The following ACSS1 variants were observed in gnomAD, a reference collection of about 807,000 sequenced individuals.
The protein encoded by ACSS1 is acetyl-coenzyme A synthetase 2-like, mitochondrial.
Under a neutral mutation model 75.3 loss-of-function variants are expected in ACSS1, and 42 were observed. The observed-to-expected ratio is 0.56, with a 90% confidence interval of 0.44 to 0.72. The LOEUF (loss-of-function observed/expected upper bound fraction) is 0.72, where lower values mean the gene tolerates loss of function less well. Among genes scored for constraint, ACSS1 ranks in the 30% least tolerant of loss-of-function variants. The pLI is 0.00. For missense variants in ACSS1, 782 were observed against 935.7 expected (o/e 0.84, Z 2.14); for synonymous variants, 380 against 376.8 (o/e 1.01, Z -0.10).
chr20:25,035,031 A>C (rs943152421), intron 2 of ACSS1, among the ~76,000 whole-genome samples: 3 of 151,388 alleles, frequency 2.0e-5, no homozygotes, highest in Non-Finnish European at 4.4e-5. Context: ...AGTAGCTGGG[A>C]CTACAGGTGC....
intron 2 of ACSS1, among the ~76,000 whole-genome samples, chr20:25,042,994 C>T (rs570359502): frequency 6.6e-6 from 1 of 152,160 alleles, no homozygotes; most frequent in African/African-American, 2.4e-5. Context: ...GTGACAGGCT[C>T]TAGGTCCACA....
intron 6 of ACSS1, among the ~76,000 whole-genome samples, chr20:25,020,990 C>T (rs1395607896): frequency 6.6e-6 from 1 of 152,242 alleles, no homozygotes; most frequent in South Asian, 2.1e-4. Flanking sequence ...GTTTGAGGGA[C>T]AGCCCTGAAG....
At chr20:25,024,811 A>G (rs965152297) in intron 3 of ACSS1, among the ~76,000 whole-genome samples, 2 of 152,192 alleles carry the variant, frequency 1.3e-5, no homozygotes, top group African/African-American at 4.8e-5. Context: ...TGTCATGGCC[A>G]TGAGGGTTCC....
chr20:25,050,623 C>T lies in ACSS1; in HGVS notation c.335-2442G>A, dbSNP rs190108777. 3.7e-3 allele frequency among the ~76,000 whole-genome samples: 557 copies of T among 152,118 alleles called. 2 individuals carry two copies. Among genetic ancestry groups the T allele is most frequent in the Admixed American group, 5.7e-3 (87 of 15,288 alleles). On this transcript the variant is annotated intron_variant, in intron 1 of 13. Coordinates refer to ENST00000323482, the MANE Select transcript of ACSS1 (RefSeq NM_032501.4). The stretch of plus-strand genomic sequence containing the variant: ...CATGGCCTGGTGACCTGCCCAAGGC[C>T]CCAGCCAAGATGAAGCAGGAAGGGC...
chr20:25,024,854 G>T (rs116719987), intron 3 of ACSS1, among the ~76,000 whole-genome samples: 2 of 152,122 alleles, frequency 1.3e-5, no homozygotes, highest in African/African-American at 4.8e-5. Flanking sequence ...AGCACCATCC[G>T]GGGGTCAGAG....
intron 3 of ACSS1, among the ~76,000 whole-genome samples, chr20:25,026,067 T>C (rs1468154014): frequency 6.6e-6 from 1 of 151,974 alleles, no homozygotes; most frequent in Non-Finnish European, 1.5e-5. Context: ...CACTCTCCAC[T>C]CCTCAAGCAG....
rs748389892 is a variant in ACSS1 at position 25,023,651 on chromosome 20, A to G, written c.632-10T>C. ...ACCACCTTGCACTTGGCTAACAGAG[A>G]CAACACAGACATTTCTGATCAGTCT... is the stretch of plus-strand genomic sequence containing the variant. On this transcript the variant is annotated splice_polypyrimidine_tract_variant and intron_variant, in intron 3 of 13. Transcript: ENST00000323482. 12 of 1,585,794 alleles carry G rather than the reference A, an allele frequency of 7.6e-6. No homozygotes were observed. In the Admixed American group the frequency reaches 1.0e-4, roughly 14 times the overall value.
In ACSS1 at chr20:25,057,637, G is replaced by C. The variant is rs144926297; in HGVS notation, c.334+132C>G. 1.6e-3 allele frequency: 1,299 copies of C among 790,880 alleles called. 15 individuals carry two copies. In the African/African-American group the frequency reaches 0.02, roughly 12 times the overall value. 49.0% of individuals were successfully genotyped at this position (790,880 alleles called of 1,614,324 possible). On this transcript the variant is annotated intron_variant, in intron 1 of 13. Transcript: ENST00000323482. ...CTGCTTAGAGCGGGCGGGGCGGACG[G>C]AATACCGGAGGAGGGGCCCCTGCAG...
intron 10 of ACSS1, 31 bp downstream of exon 10, chr20:25,013,505 G>T: frequency 6.4e-7 from 1 of 1,563,082 alleles, no homozygotes; most frequent in South Asian, 1.1e-5. Flanking sequence ...CAGCTGAAAA[G>T]GAATGAGAGG....
intron 5 of ACSS1, 72 bp from the exon 6 acceptor site, chr20:25,021,608 A>G (rs1018255186): frequency 9.4e-5 from 148 of 1,566,198 alleles, no homozygotes; most frequent in Non-Finnish European, 1.2e-4. Context: ...GTCACTAGGA[A>G]ATAGGCATGC....
intron 3 of ACSS1, among the ~76,000 whole-genome samples, chr20:25,028,898 A>C (rs1255973035): frequency 1.3e-5 from 2 of 152,104 alleles, no homozygotes; most frequent in Non-Finnish European, 2.9e-5. Context: ...CCAGCCTGGC[A>C]ACAGAGCGAG....
At chr20:25,048,953 C>A (rs2089138868) in intron 1 of ACSS1, among the ~76,000 whole-genome samples, 1 of 152,212 alleles carries the variant, frequency 6.6e-6, no homozygotes. Flanking sequence ...GCCAGCTCTC[C>A]TCACTCACTG....
intron 3 of ACSS1, among the ~76,000 whole-genome samples, chr20:25,024,687 C>T (rs2088685413): frequency 6.6e-6 from 1 of 152,234 alleles, no homozygotes; most frequent in African/African-American, 2.4e-5. Flanking sequence ...CCCTACCACA[C>T]TTCCAAGACA....
chr20:25,031,106 A>T (rs938251944), intron 2 of ACSS1, 148 bp from the exon 3 acceptor site: 1 of 814,320 alleles, frequency 1.2e-6, no homozygotes, highest in Non-Finnish European at 2.0e-6. Flanking sequence ...AATGCATGGA[A>T]AGTACTTTTC....
At chr20:25,013,870 G>A in intron 9 of ACSS1, 91 bp downstream of exon 9, 1 of 1,419,696 alleles carries the variant, frequency 7.0e-7, no homozygotes, top group Admixed American at 1.9e-5. Context: ...GCCAGGTACA[G>A]ACCTGGGCAC....
At chr20:25,040,896 T>A (rs562621120) in intron 2 of ACSS1, among the ~76,000 whole-genome samples, 1 of 152,352 alleles carries the variant, frequency 6.6e-6, no homozygotes, top group South Asian at 2.1e-4. Context: ...CAATAATTGT[T>A]AATAATTTAT....
intron 1 of ACSS1, among the ~76,000 whole-genome samples, chr20:25,052,779 G>A (rs972606711): frequency 1.2e-4 from 19 of 152,246 alleles, no homozygotes; most frequent in African/African-American, 4.3e-4. Context: ...CAGCCAGGGC[G>A]CTCCATCTCG....
At chr20:25,027,331 T>G (rs2088737243) in intron 3 of ACSS1, among the ~76,000 whole-genome samples, 1 of 152,176 alleles carries the variant, frequency 6.6e-6, no homozygotes, top group African/African-American at 2.4e-5. Context: ...AGACAAAGAT[T>G]ACTATAGAAA....
At chr20:25,008,703 T>C (rs2088353630) in intron 13 of ACSS1, among the ~76,000 whole-genome samples, 1 of 152,170 alleles carries the variant, frequency 6.6e-6, no homozygotes, top group Non-Finnish European at 1.5e-5. Flanking sequence ...GTCTGCGATC[T>C]CCTTCACTGC....
Sources: gnomAD v4.1 joint callset for allele counts (sites outside exome capture counted in the v4.1 genomes callset) on GRCh38, gnomAD v4.1.1 for gene constraint, MANE v1.5 for transcripts, NCBI Gene and HGNC (gene_info 2026-07-23, HGNC 2026-07-21) for gene names.